The following CNTN5 variants were observed in gnomAD, a reference collection of about 807,000 sequenced individuals.
CNTN5 encodes contactin-5.
Under a neutral mutation model 129.1 loss-of-function variants are expected in CNTN5, and 77 were observed. The ratio of observed to expected loss-of-function variants is 0.60; its 90% CI spans 0.50 to 0.72. The LOEUF is 0.72. Ranked by LOEUF, CNTN5 falls within the 30% of genes least tolerant of loss-of-function variation. The pLI, the probability that CNTN5 is intolerant of heterozygous loss-of-function variation, is 0.00. For missense variants in CNTN5, 1,478 were observed against 1,328.8 expected (o/e 1.11, Z -1.75); for synonymous variants, 509 against 465.6 (o/e 1.09, Z -1.20).
At chr11:99,128,841 C>G (rs976337070) in intron 1 of CNTN5, among the ~76,000 whole-genome samples, 1 of 152,102 alleles carries the variant, frequency 6.6e-6, no homozygotes, top group Non-Finnish European at 1.5e-5. Flanking sequence ...GGAGTAGACC[C>G]CCAGCACACT....
Position 99,769,259 on chromosome 11 carries a change from A to AT in CNTN5, c.56-50283dup, listed in dbSNP as rs1179236869. The stretch of plus-strand genomic sequence containing the variant: ...CAAAATACTCAGGGCCCACTTTCTG[A>AT]TTCCTCTGCCCTAAACCTTGTATGT... On this transcript the variant is annotated intron_variant, in intron 3 of 24. Transcript: ENST00000524871. 5.9e-5 allele frequency among the ~76,000 whole-genome samples: 9 copies of AT among 152,200 alleles called. No individual in the cohort carries two copies. The East Asian group carries it at 1.7e-3, about 29-fold the overall frequency.
intron 1 of CNTN5, among the ~76,000 whole-genome samples, chr11:99,259,124 G>A (rs1048250242): frequency 6.6e-6 from 1 of 151,754 alleles, no homozygotes; most frequent in African/African-American, 2.4e-5. Context: ...CATGCAAATA[G>A]TATTGTATAT....
At chr11:99,234,690 T>C (rs550384714) in intron 1 of CNTN5, among the ~76,000 whole-genome samples, 1 of 152,202 alleles carries the variant, frequency 6.6e-6, no homozygotes, top group Admixed American at 6.5e-5. Flanking sequence ...TATTATGTAT[T>C]TCTAATGTAG....
chr11:99,898,601 C>T (rs1358604795), intron 6 of CNTN5, among the ~76,000 whole-genome samples: 3 of 151,918 alleles, frequency 2.0e-5, no homozygotes, highest in South Asian at 4.1e-4. Flanking sequence ...CAGTGAGAAA[C>T]AATGAATTTG....
intron 13 of CNTN5, among the ~76,000 whole-genome samples, chr11:100,133,075 G>C (rs375587264): frequency 3.3e-5 from 5 of 152,054 alleles, no homozygotes; most frequent in Non-Finnish European, 5.9e-5. Context: ...GCATAAATAA[G>C]AGATAGTTGG....
chr11:99,255,095 T>C (rs1862308787), intron 1 of CNTN5, among the ~76,000 whole-genome samples: 1 of 151,876 alleles, frequency 6.6e-6, no homozygotes, highest in African/African-American at 2.4e-5. Flanking sequence ...ATTTCTATTA[T>C]ATATATATTA....
chr11:100,142,858 G>A (rs75870472), intron 13 of CNTN5, among the ~76,000 whole-genome samples: 1,890 of 152,146 alleles, frequency 0.012, 50 homozygotes, highest in African/African-American at 0.044. Context: ...TTATGGTGAT[G>A]CCAAACAACC....
At chr11:99,549,411 GC>G (rs1181295151) in intron 2 of CNTN5, among the ~76,000 whole-genome samples, 4 of 152,006 alleles carry the variant, frequency 2.6e-5, no homozygotes, top group Non-Finnish European at 4.4e-5. Context: ...TGGGCCCTAG[GC>G]TTTGGTTTTG....
At chr11:99,974,940 A>G (rs761501050) in intron 8 of CNTN5, among the ~76,000 whole-genome samples, 22 of 152,370 alleles carry the variant, frequency 1.4e-4, no homozygotes, top group South Asian at 6.2e-4. Flanking sequence ...TAAATAAATG[A>G]AAGCCAACAT....
intron 3 of CNTN5, among the ~76,000 whole-genome samples, chr11:99,620,831 G>C (rs955509987): frequency 1.3e-5 from 2 of 152,168 alleles, no homozygotes; most frequent in South Asian, 4.1e-4. Context: ...ATATAAAACT[G>C]TGAAATCATC....
intron 1 of CNTN5, among the ~76,000 whole-genome samples, chr11:99,228,302 A>T (rs538087375): frequency 2.0e-5 from 3 of 152,158 alleles, no homozygotes; most frequent in Non-Finnish European, 4.4e-5. Context: ...GAATGATAGT[A>T]GAATGATAGA....
chr11:100,189,049 G>A (rs1322176382), intron 13 of CNTN5, among the ~76,000 whole-genome samples: 8 of 151,970 alleles, frequency 5.3e-5, no homozygotes, highest in Admixed American at 5.3e-4. Flanking sequence ...ACATTAAAAT[G>A]GCAACAATAA....
At position 99,699,401 on chromosome 11, in the gene CNTN5, T is replaced by C. The variant is rs191747431; in HGVS notation, c.56-120143T>C. 2.2e-4 allele frequency among the ~76,000 whole-genome samples: 33 copies of C among 151,632 alleles called. 1 individual carries two copies. The highest frequency in any genetic ancestry group is 3.1e-4 in the Non-Finnish European group (21 of 67,592). ...TCACTCTTTAATATCTACAGTAAAA[T>C]AACTTTCTTTATAACACACATATCT... On this transcript the variant is annotated intron_variant, in intron 3 of 24. Transcript: ENST00000524871.
At chr11:100,008,405 G>A (rs984917048) in intron 9 of CNTN5, among the ~76,000 whole-genome samples, 1 of 151,982 alleles carries the variant, frequency 6.6e-6, no homozygotes, top group Non-Finnish European at 1.5e-5. Flanking sequence ...TAATTCAGAG[G>A]TGTCAAAATA....
chr11:100,352,196 C>T (rs187002293), intron 24 of CNTN5, among the ~76,000 whole-genome samples: 3 of 151,532 alleles, frequency 2.0e-5, no homozygotes, highest in Admixed American at 6.6e-5. Context: ...TAGGCCCTAG[C>T]GTGTACTGGT....
At chr11:99,834,175 C>G (rs999120467) in intron 4 of CNTN5, among the ~76,000 whole-genome samples, 2 of 152,102 alleles carry the variant, frequency 1.3e-5, no homozygotes, top group Non-Finnish European at 2.9e-5. Flanking sequence ...AGGTTGTTGT[C>G]CATTTAGAAT....
At chr11:99,412,294 C>T (rs1942433776) in intron 2 of CNTN5, among the ~76,000 whole-genome samples, 1 of 152,236 alleles carries the variant, frequency 6.6e-6, no homozygotes, top group East Asian at 1.9e-4. Flanking sequence ...TTCTTATCCT[C>T]AAAATCCATT....
intron 1 of CNTN5, among the ~76,000 whole-genome samples, chr11:99,168,679 G>T (rs1027607025): frequency 2.0e-5 from 3 of 152,110 alleles, no homozygotes; most frequent in African/African-American, 7.2e-5. Context: ...AACAGAAATG[G>T]TGTATTTTTT....
chr11:99,513,240 G>A (rs1201026216), intron 2 of CNTN5, among the ~76,000 whole-genome samples: 1 of 152,178 alleles, frequency 6.6e-6, no homozygotes, highest in Non-Finnish European at 1.5e-5. Context: ...CAGAGTTGAG[G>A]AAGCTGCAAA....
Sources: gnomAD v4.1 joint callset for allele counts (sites outside exome capture counted in the v4.1 genomes callset) on GRCh38, gnomAD v4.1.1 for gene constraint, MANE v1.5 for transcripts, NCBI Gene and HGNC (gene_info 2026-07-23, HGNC 2026-07-21) for gene names.